Variants in ATXN7 observed in about 807,000 individuals in gnomAD.
ATXN7 encodes the protein ataxin 7.
A neutral mutation model predicts 70.5 loss-of-function variants in ATXN7; 12 were observed. The ratio of observed to expected loss-of-function variants is 0.17; its 90% CI spans 0.11 to 0.28. The LOEUF is 0.28. Among genes scored for constraint, ATXN7 ranks in the 10% least tolerant of loss-of-function variants. ATXN7 has a pLI of 1.00. For synonymous variants in ATXN7, 498 were observed against 448.7 expected, an observed-to-expected ratio of 1.11 and a Z score of -1.39; for missense variants, 1,256 against 1,131.7, an observed-to-expected ratio of 1.11 and a Z score of -1.58.
intron 1 of ATXN7, among the ~76,000 whole-genome samples, chr3:63,892,961 G>T (rs1433440456): frequency 6.6e-6 from 1 of 152,180 alleles, no homozygotes; most frequent in Non-Finnish European, 1.5e-5. Context: ...TGAACAACAG[G>T]TGTGGAGAAA....
chr3:63,944,762 T>C (rs2074829676), intron 4 of ATXN7, among the ~76,000 whole-genome samples: 1 of 151,152 alleles, frequency 6.6e-6, no homozygotes, highest in South Asian at 2.1e-4. Context: ...TGTTTTTTTT[T>C]GTTTTTTGTT....
intron 4 of ATXN7, among the ~76,000 whole-genome samples, chr3:63,950,953 G>A (rs2074943039): frequency 6.6e-6 from 1 of 152,104 alleles, no homozygotes; most frequent in African/African-American, 2.4e-5. Flanking sequence ...TCTTCAAGAG[G>A]TAAGAAATCC....
chr3:63,932,020 G>C (rs185686029), intron 4 of ATXN7, among the ~76,000 whole-genome samples: 32 of 152,184 alleles, frequency 2.1e-4, no homozygotes, highest in Non-Finnish European at 4.4e-5. Context: ...AGTTTTGTAG[G>C]GAGAGAAAAT....
intron 11 of ATXN7, among the ~76,000 whole-genome samples, chr3:63,991,948 T>C (rs1389269320): frequency 2.6e-5 from 4 of 152,198 alleles, no homozygotes; most frequent in Admixed American, 6.5e-5. Flanking sequence ...CCAAGCTCTT[T>C]TCACCTCGGA....
chr3:63,888,557 T>C (rs1703157031), intron 1 of ATXN7, among the ~76,000 whole-genome samples: 1 of 152,114 alleles, frequency 6.6e-6, no homozygotes, highest in African/African-American at 2.4e-5. Context: ...GGCAGGTGGA[T>C]CTTGAGGTCA....
chr3:63,879,600 T>C (rs868813239), intron 1 of ATXN7, among the ~76,000 whole-genome samples: 48 of 151,454 alleles, frequency 3.2e-4, no homozygotes, highest in African/African-American at 1.1e-3. Context: ...CAAGCGATTC[T>C]CCTGCCTCAG....
chr3:63,875,259 T>G (rs1459998624), intron 1 of ATXN7, among the ~76,000 whole-genome samples: 2 of 152,086 alleles, frequency 1.3e-5, no homozygotes, highest in Non-Finnish European at 2.9e-5. Context: ...CTTAGCTAAT[T>G]TTTTGTGTTT....
chr3:63,963,648 A>G (rs1252846351), intron 5 of ATXN7, among the ~76,000 whole-genome samples: 2 of 152,106 alleles, frequency 1.3e-5, no homozygotes. Context: ...ACTCAACAAT[A>G]CCTCATGTAA....
At chr3:63,863,459 C>T, upstream of ATXN7, 4 of 1,149,070 alleles carry the variant, frequency 3.5e-6, no homozygotes, top group Non-Finnish European at 4.3e-6. Context: ...GCCGTCTCGG[C>T]CACCCACGTG....
At position 63,995,584 on chromosome 3, in the gene ATXN7, C is replaced by G; in HGVS notation, c.1762C>G (p.Gln588Glu). 2 of 1,614,220 alleles carry G rather than the reference C, an allele frequency of 1.2e-6. No individual in the cohort carries two copies. Among genetic ancestry groups the G allele is most frequent in the Non-Finnish European group, 1.7e-6 (2 of 1,180,042 alleles). Residue 588 changes from glutamine (Q) to glutamate (E), a missense_variant, in exon 12 of 13, where the codon CAA (glutamine) becomes GAA (glutamate). Physicochemically the swap from Gln to Glu is conservative, Grantham distance 29 (BLOSUM62 2). Coordinates refer to ENST00000674280, the MANE Select transcript of ATXN7 (RefSeq NM_001377405.1). ...CCGGACAAACTCTGTGCCGACATCA[C>G]AATGTGGAGTCAGCTATCTGGCAGC... ...PHRTNSVPTS[Q>E]CGVSYLAAAT...
intron 1 of ATXN7, among the ~76,000 whole-genome samples, chr3:63,875,155 A>G (rs1342484188): frequency 6.6e-6 from 1 of 151,886 alleles, no homozygotes; most frequent in Non-Finnish European, 1.5e-5. Flanking sequence ...GGGTTTTGCC[A>G]TGTTGTCCAG....
chr3:63,976,946 A>C (rs1475684425), intron 5 of ATXN7, among the ~76,000 whole-genome samples: 1 of 152,230 alleles, frequency 6.6e-6, no homozygotes, highest in African/African-American at 2.4e-5. Flanking sequence ...TACCTTGAAA[A>C]GACCTGGCAT....
intron 1 of ATXN7, among the ~76,000 whole-genome samples, chr3:63,885,604 A>G (rs1703062885): frequency 6.6e-6 from 1 of 152,202 alleles, no homozygotes; most frequent in African/African-American, 2.4e-5. Flanking sequence ...ATATATATCC[A>G]AAGGAAATCA....
At chr3:63,954,319 A>C (rs72884000) in intron 5 of ATXN7, among the ~76,000 whole-genome samples, 3,809 of 152,304 alleles carry the variant, frequency 0.025, 157 homozygotes, top group African/African-American at 0.084. Flanking sequence ...CCGGATTGGC[A>C]ACAAGGTTGA....
At chr3:63,951,758 C>A (rs1007385326) in intron 4 of ATXN7, among the ~76,000 whole-genome samples, 3 of 152,134 alleles carry the variant, frequency 2.0e-5, no homozygotes, top group African/African-American at 7.2e-5. Flanking sequence ...ACAAACAGCT[C>A]GTATCCTACC....
intron 5 of ATXN7, among the ~76,000 whole-genome samples, chr3:63,968,929 A>G (rs2075269263): frequency 6.6e-6 from 1 of 152,226 alleles, no homozygotes; most frequent in Non-Finnish European, 1.5e-5. Context: ...GACTTTAAAT[A>G]TGAAAAGATC....
chr3:63,936,235 C>T (rs894246774), intron 4 of ATXN7, among the ~76,000 whole-genome samples: 5 of 152,064 alleles, frequency 3.3e-5, no homozygotes, highest in East Asian at 3.9e-4. Flanking sequence ...CCTGTGATTC[C>T]GGTATTTAAT....
chr3:63,875,647 G>T (rs1480429831), intron 1 of ATXN7, among the ~76,000 whole-genome samples: 2 of 152,032 alleles, frequency 1.3e-5, no homozygotes, highest in Admixed American at 6.6e-5. Flanking sequence ...TCTTTTCCCT[G>T]TAATTACCAC....
At chr3:63,871,797 T>A (rs929994461) in intron 1 of ATXN7, among the ~76,000 whole-genome samples, 5 of 152,178 alleles carry the variant, frequency 3.3e-5, no homozygotes, top group South Asian at 2.1e-4. Flanking sequence ...TTTTAATTAT[T>A]AAATTATAAT....
Sources: allele counts gnomAD v4.1 joint callset (sites outside exome capture counted in the v4.1 genomes callset), GRCh38; gene constraint gnomAD v4.1.1; transcripts MANE v1.5; gene names NCBI Gene and HGNC (gene_info 2026-07-23, HGNC 2026-07-21).